PPP3CA: variants seen among roughly 807,000 people sequenced by gnomAD.
The protein encoded by PPP3CA is CAM-PRP catalytic subunit.
PPP3CA carries 14 observed loss-of-function variants against 66.5 expected under a neutral mutation model. That is an observed-to-expected ratio of 0.21 (90% CI 0.14 to 0.33). PPP3CA has a LOEUF of 0.33. Ranked by LOEUF, PPP3CA falls within the 10% of genes least tolerant of loss-of-function variation. The pLI, the probability that PPP3CA is intolerant of heterozygous loss-of-function variation, is 1.00. For synonymous variants in PPP3CA, 232 were observed against 226.2 expected (o/e 1.03, Z -0.23); for missense variants, 317 against 639.5 (o/e 0.50, Z 5.44).
At chr4:101,176,193 A>C (rs931060256) in intron 2 of PPP3CA, among the ~76,000 whole-genome samples, 1 of 152,202 alleles carries the variant, frequency 6.6e-6, no homozygotes, top group African/African-American at 2.4e-5. Flanking sequence ...GTCAGTAGGA[A>C]AAGGTCAGTT....
chr4:101,141,292 C>T (rs1020757214), intron 2 of PPP3CA, among the ~76,000 whole-genome samples: 3 of 152,092 alleles, frequency 2.0e-5, no homozygotes, highest in African/African-American at 7.2e-5. Context: ...ATTGCTTGAA[C>T]CCAGGAGGTG....
rs146724793 is a variant in PPP3CA, at chr4:101,315,314, T to C, written c.58+31425A>G. On this transcript the variant is annotated intron_variant, in intron 1 of 13. Coordinates refer to ENST00000394854, the MANE Select transcript of PPP3CA (RefSeq NM_000944.5). ...ATAAACTGTTGTTGTTTATAAACCA[T>C]CTAATCTAAGGCATTTTGTTAGAGC... 3.0e-3 allele frequency among the ~76,000 whole-genome samples: 451 copies of C among 152,330 alleles called. 4 individuals are homozygous for C. Among genetic ancestry groups the C allele is most frequent in the African/African-American group, 0.01 (428 of 41,582 alleles).
At chr4:101,306,475 G>A (rs567149616) in intron 1 of PPP3CA, among the ~76,000 whole-genome samples, 13 of 152,102 alleles carry the variant, frequency 8.5e-5, no homozygotes, top group Non-Finnish European at 1.6e-4. Context: ...TAAAGCCAAA[G>A]TGAGAGTGAA....
chr4:101,210,423 G>A (rs1234708391), intron 1 of PPP3CA, among the ~76,000 whole-genome samples: 1 of 152,118 alleles, frequency 6.6e-6, no homozygotes, highest in Non-Finnish European at 1.5e-5. Flanking sequence ...TTATTTAATT[G>A]TTCTATGCTA....
intron 2 of PPP3CA, among the ~76,000 whole-genome samples, chr4:101,193,541 T>A (rs2110188190): frequency 6.6e-6 from 1 of 152,010 alleles, no homozygotes; most frequent in African/African-American, 2.4e-5. Flanking sequence ...TCTACTCCTA[T>A]GAAGATGGTT....
At chr4:101,321,245 A>T (rs1729032625) in intron 1 of PPP3CA, among the ~76,000 whole-genome samples, 1 of 152,242 alleles carries the variant, frequency 6.6e-6, no homozygotes, top group Admixed American at 6.5e-5. Context: ...ACATGTCCAT[A>T]CACATATATT....
chr4:101,246,707 A>G (rs1299330006), intron 1 of PPP3CA, among the ~76,000 whole-genome samples: 1 of 152,140 alleles, frequency 6.6e-6, no homozygotes, highest in African/African-American at 2.4e-5. Context: ...GTGTGTACCT[A>G]CGTATATATA....
At chr4:101,116,468 G>C (rs1721840652) in intron 2 of PPP3CA, among the ~76,000 whole-genome samples, 1 of 151,846 alleles carries the variant, frequency 6.6e-6, no homozygotes, top group Non-Finnish European at 1.5e-5. Flanking sequence ...TGCAGAGAAA[G>C]ATTTTGTTTA....
intron 1 of PPP3CA, among the ~76,000 whole-genome samples, chr4:101,338,208 T>C (rs2583392): frequency 0.45 from 68,498 of 151,978 alleles, 18,410 homozygotes; most frequent in African/African-American, 0.75. Flanking sequence ...AAGCACTCCC[T>C]ATGGGAAGGC....
chr4:101,320,129 C>T (rs980227016), intron 1 of PPP3CA, among the ~76,000 whole-genome samples: 1 of 151,786 alleles, frequency 6.6e-6, no homozygotes, highest in Admixed American at 6.6e-5. Context: ...ATAGAAACAA[C>T]TAAGAATTCA....
intron 2 of PPP3CA, among the ~76,000 whole-genome samples, chr4:101,189,813 C>CA (rs1724539988): frequency 1.3e-5 from 2 of 151,174 alleles, no homozygotes; most frequent in Admixed American, 1.3e-4. Context: ...GTGTCATACA[C>CA]AAAAAGAAAG....
At chr4:101,093,697 A>C (rs1354049228) in intron 6 of PPP3CA, 79 bp downstream of exon 6, 14 of 1,335,914 alleles carry the variant, frequency 1.0e-5, no homozygotes, top group Non-Finnish European at 1.4e-5. Context: ...AAACATTATA[A>C]ATAAATCAAA....
At chr4:101,261,701 A>C (rs1267747988) in intron 1 of PPP3CA, among the ~76,000 whole-genome samples, 3 of 152,068 alleles carry the variant, frequency 2.0e-5, no homozygotes, top group Non-Finnish European at 4.4e-5. Flanking sequence ...CATTACCAGA[A>C]ATTTACATAT....
Position 101,127,459 on chromosome 4 carries a change from G to A in PPP3CA, c.260-18381C>T, listed in dbSNP as rs535803321. On this transcript the variant is annotated intron_variant, in intron 2 of 13. Transcript: ENST00000394854. Reference sequence around the variant, plus strand: ...ACTTGAACACAGGCAGAATCAGAGAGGCCATGTAAAGATGGAGGCAGAAAA... The same window carrying A: ...ACTTGAACACAGGCAGAATCAGAGAAGCCATGTAAAGATGGAGGCAGAAAA... Among the ~76,000 whole-genome samples the A allele has an allele frequency of 3.3e-5, 5 of 152,176 alleles. No homozygotes were observed. The East Asian group carries it at 9.7e-4, about 29-fold the overall frequency.
intron 8 of PPP3CA, among the ~76,000 whole-genome samples, chr4:101,071,095 G>A (rs186933549): frequency 2.5e-4 from 38 of 152,278 alleles, no homozygotes; most frequent in African/African-American, 8.4e-4. Context: ...CACGGGCATA[G>A]CAAACACTGT....
chr4:101,048,375 A>T (rs775402892), intron 10 of PPP3CA, among the ~76,000 whole-genome samples: 20 of 152,036 alleles, frequency 1.3e-4, no homozygotes, highest in Non-Finnish European at 2.9e-4. Flanking sequence ...CAAGAATTAG[A>T]TTACTCTATT....
intron 2 of PPP3CA, among the ~76,000 whole-genome samples, chr4:101,168,895 T>A (rs1413824144): frequency 6.6e-6 from 1 of 152,202 alleles, no homozygotes; most frequent in African/African-American, 2.4e-5. Flanking sequence ...ATGATACATG[T>A]GCTAAATCCA....
intron 1 of PPP3CA, among the ~76,000 whole-genome samples, chr4:101,227,592 A>G (rs752587816): frequency 8.6e-5 from 13 of 151,712 alleles, no homozygotes; most frequent in Non-Finnish European, 1.2e-4. Flanking sequence ...TTTTTGTTTT[A>G]GGGGTACATG....
intron 7 of PPP3CA, among the ~76,000 whole-genome samples, chr4:101,082,306 G>T (rs182955624): frequency 6.6e-5 from 10 of 152,302 alleles, no homozygotes; most frequent in Non-Finnish European, 8.8e-5. Flanking sequence ...AATGAACTTG[G>T]TATCTTCCTT....
Sources: gnomAD v4.1 joint callset for allele counts (sites outside exome capture counted in the v4.1 genomes callset) on GRCh38, gnomAD v4.1.1 for gene constraint, MANE v1.5 for transcripts, NCBI Gene and HGNC (gene_info 2026-07-23, HGNC 2026-07-21) for gene names.